SLC13A3: variants seen among roughly 807,000 people sequenced by gnomAD.
SLC13A3 encodes the protein Na(+)/dicarboxylate cotransporter 3.
A neutral mutation model predicts 59.0 loss-of-function variants in SLC13A3; 40 were observed. That is an observed-to-expected ratio of 0.68 (90% CI 0.53 to 0.88). The LOEUF is 0.88. SLC13A3 is among the 40% of genes least tolerant of loss of function. SLC13A3 has a pLI of 0.00. For missense variants in SLC13A3, 699 were observed against 783.2 expected, an observed-to-expected ratio of 0.89 and a Z score of 1.28; for synonymous variants, 317 against 330.3, an observed-to-expected ratio of 0.96 and a Z score of 0.44.
intron 1 of SLC13A3, among the ~76,000 whole-genome samples, chr20:46,644,602 A>G (rs888917716): frequency 2.0e-5 from 3 of 152,230 alleles, no homozygotes; most frequent in Admixed American, 6.5e-5. Flanking sequence ...GACTGTGGAC[A>G]TTTCCATTTT....
upstream of SLC13A3, among the ~76,000 whole-genome samples, chr20:46,652,941 C>T (rs1005651091): frequency 1.5e-4 from 23 of 152,152 alleles, no homozygotes; most frequent in African/African-American, 5.6e-4. Context: ...TTTATTTTAA[C>T]CATTCTGACA....
intron 12 of SLC13A3, 71 bp downstream of exon 12, chr20:46,563,343 T>C (rs556767570): frequency 1.0e-5 from 16 of 1,552,698 alleles, no homozygotes; most frequent in East Asian, 6.8e-5. Flanking sequence ...GAGTCCTGCA[T>C]AGAGGCCTTG....
At chr20:46,655,962 T>C (rs1445450581), upstream of SLC13A3, among the ~76,000 whole-genome samples, 1 of 142,834 alleles carries the variant, frequency 7.0e-6, no homozygotes, top group African/African-American at 2.6e-5. Context: ...AGTATACATA[T>C]ATGTATATAT....
chr20:46,634,336 C>A (rs1011080631), intron 1 of SLC13A3, among the ~76,000 whole-genome samples: 1 of 152,146 alleles, frequency 6.6e-6, no homozygotes, highest in Non-Finnish European at 1.5e-5. Flanking sequence ...AGAGGTGATG[C>A]AGATGGAAGT....
chr20:46,585,626 T>C (rs1438058225), intron 8 of SLC13A3: 2 of 1,266,540 alleles, frequency 1.6e-6, no homozygotes, highest in South Asian at 1.4e-5. Context: ...TGTAGAACAG[T>C]TCTCAGATAG....
chr20:46,564,909 G>A (rs536080261), intron 11 of SLC13A3, among the ~76,000 whole-genome samples: 2 of 152,306 alleles, frequency 1.3e-5, no homozygotes, highest in East Asian at 3.9e-4. Flanking sequence ...AAATAACACA[G>A]TGTATATCTG....
chr20:46,653,397 C>A (rs1347382283), upstream of SLC13A3, among the ~76,000 whole-genome samples: 1 of 152,178 alleles, frequency 6.6e-6, no homozygotes, highest in Non-Finnish European at 1.5e-5. Context: ...GTCATGGGTT[C>A]TTAGTTTCTG....
chr20:46,677,754 GA>G (rs2063134786), intron 1 of SLC13A3, among the ~76,000 whole-genome samples: 1 of 152,164 alleles, frequency 6.6e-6, no homozygotes, highest in Non-Finnish European at 1.5e-5. Flanking sequence ...ACCTCTGTAA[GA>G]AGAACAACGG....
At chr20:46,607,424 G>A (rs1163808171) in intron 3 of SLC13A3, among the ~76,000 whole-genome samples, 1 of 152,144 alleles carries the variant, frequency 6.6e-6, no homozygotes, top group African/African-American at 2.4e-5. Flanking sequence ...GCTCAGAACT[G>A]GATGAAAGGG....
intron 3 of SLC13A3, among the ~76,000 whole-genome samples, chr20:46,609,645 G>T (rs6094394): frequency 6.6e-6 from 1 of 152,046 alleles, no homozygotes; most frequent in African/African-American, 2.4e-5. Flanking sequence ...ATCTCATTCT[G>T]GTTTTTACCT....
At chr20:46,600,237 GGAGA>G (rs1475531421) in intron 3 of SLC13A3, among the ~76,000 whole-genome samples, 200 bp from the exon 4 acceptor site, 1 of 134,558 alleles carries the variant, frequency 7.4e-6, no homozygotes, top group Non-Finnish European at 1.6e-5. Context: ...AGGGAGGGAG[GGAGA>G]GAGAGATGGA....
chr20:46,682,239 T>A (rs924122230), intron 1 of SLC13A3: 1 of 152,244 alleles, frequency 6.6e-6, no homozygotes, highest in African/African-American at 2.4e-5. Context: ...ACTGTCTGAT[T>A]TGTAAATAAA....
At chr20:46,639,142 G>T (rs1388154992) in intron 1 of SLC13A3, among the ~76,000 whole-genome samples, 2 of 151,540 alleles carry the variant, frequency 1.3e-5, no homozygotes, top group Non-Finnish European at 2.9e-5. Flanking sequence ...TCACACAGTT[G>T]GTTAAAAAGC....
At chr20:46,572,578 G>C (rs2062039086) in intron 10 of SLC13A3, among the ~76,000 whole-genome samples, 1 of 152,178 alleles carries the variant, frequency 6.6e-6, no homozygotes, top group Admixed American at 6.5e-5. Context: ...GATCACTGAG[G>C]TAAATGGCAC....
At chr20:46,648,761 C>T (rs773288739) in intron 1 of SLC13A3, among the ~76,000 whole-genome samples, 9 of 151,950 alleles carry the variant, frequency 5.9e-5, no homozygotes, top group Non-Finnish European at 1.3e-4. Flanking sequence ...AAAAATTAGC[C>T]GGGTGTGGTG....
chr20:46,637,403 T>G (rs2062806292), intron 1 of SLC13A3, among the ~76,000 whole-genome samples: 1 of 152,206 alleles, frequency 6.6e-6, no homozygotes, highest in Non-Finnish European at 1.5e-5. Context: ...TCATCTCAGT[T>G]AATCTTCCCA....
At chr20:46,571,152 T>A (rs1480117127) in intron 10 of SLC13A3, among the ~76,000 whole-genome samples, 1 of 152,110 alleles carries the variant, frequency 6.6e-6, no homozygotes, top group East Asian at 1.9e-4. Context: ...AAGAACAGCA[T>A]AAGGGTAACC....
intron 1 of SLC13A3, among the ~76,000 whole-genome samples, chr20:46,617,609 C>CAT (rs1555880355): frequency 2.3e-4 from 16 of 69,268 alleles, no homozygotes; most frequent in Admixed American, 1.9e-3. Flanking sequence ...TGTGTGTGTG[C>CAT]GTGTGTGTGT....
In SLC13A3 at chr20:46,596,204, T is replaced by C. The variant is rs768596539; in HGVS notation, c.747A>G (p.Thr249=). ...TGAGGTTAGGGGCTGTGCCCGTGAG[T>C]GTGGCTGTGCCCCCAATACTGGCTG... ...PYSASIGGTA[T]LTGTAPNLIL... is the part of the protein sequence containing the mutation. The change falls in exon 5 of 13, where the codon ACA becomes ACG. Residue 249 remains threonine, a synonymous_variant. Transcript: ENST00000279027. The C allele has an allele frequency of 1.2e-6, 2 of 1,613,852 alleles. No individual in the cohort carries two copies.
Sources: allele counts gnomAD v4.1 joint callset (sites outside exome capture counted in the v4.1 genomes callset), GRCh38; gene constraint gnomAD v4.1.1; transcripts MANE v1.5; gene names NCBI Gene and HGNC (gene_info 2026-07-23, HGNC 2026-07-21).